The following MCTP1 variants were observed in gnomAD, a reference collection of about 807,000 sequenced individuals.
The protein encoded by MCTP1 is multiple C2 and transmembrane domain containing 1.
Under a neutral mutation model 120.6 loss-of-function variants are expected in MCTP1, and 69 were observed. The ratio of observed to expected loss-of-function variants is 0.57; its 90% CI spans 0.47 to 0.70. MCTP1 has a LOEUF of 0.70. Among genes scored for constraint, MCTP1 ranks in the 30% least tolerant of loss-of-function variants. The probability of loss-of-function intolerance (pLI) is 0.00; values close to 1 mark genes in which losing one functional copy is unlikely to be tolerated. For synonymous variants in MCTP1, 529 were observed against 493.1 expected, an observed-to-expected ratio of 1.07 and a Z score of -0.96; for missense variants, 1,203 against 1,248.8, an observed-to-expected ratio of 0.96 and a Z score of 0.55.
chr5:95,031,022 C>G (rs1840180893), intron 1 of MCTP1, among the ~76,000 whole-genome samples: 1 of 150,730 alleles, frequency 6.6e-6, no homozygotes, highest in Non-Finnish European at 1.5e-5. Flanking sequence ...AATAGACTAA[C>G]CAAGCAAAAG....
At chr5:95,233,403 A>G (rs1299488507) in intron 1 of MCTP1, among the ~76,000 whole-genome samples, 1 of 150,370 alleles carries the variant, frequency 6.7e-6, no homozygotes, top group Non-Finnish European at 1.5e-5. Context: ...ATCTCAGCTC[A>G]CTGCAAACTC....
rs1359486872 is a variant in MCTP1 at position 95,161,602 on chromosome 5, C to T, written c.720+122254G>A. 4.6e-5 allele frequency among the ~76,000 whole-genome samples: 7 copies of T among 151,956 alleles called. No individual in the cohort carries two copies. The East Asian group carries it at 1.3e-3, about 29-fold the overall frequency. The stretch of plus-strand genomic sequence containing the variant: ...AAAGAGATTTTAAATGTTTTCACCA[C>T]AAAAAATATGTAATAAATTTGTTAA... On this transcript the variant is annotated intron_variant, in intron 1 of 22. Coordinates refer to ENST00000515393, the MANE Select transcript of MCTP1 (RefSeq NM_024717.7).
At chr5:94,813,211 G>A (rs1336025915) in intron 17 of MCTP1, among the ~76,000 whole-genome samples, 1 of 152,140 alleles carries the variant, frequency 6.6e-6, no homozygotes, top group Non-Finnish European at 1.5e-5. Flanking sequence ...ATAAGCACAT[G>A]AAAAGATGTT....
chr5:95,271,044 A>G (rs932631625), intron 1 of MCTP1, among the ~76,000 whole-genome samples: 17 of 152,136 alleles, frequency 1.1e-4, no homozygotes, highest in African/African-American at 4.1e-4. Context: ...ACACGTATGC[A>G]AAACCAGCTC....
chr5:95,169,042 A>G (rs1362104698), intron 1 of MCTP1, among the ~76,000 whole-genome samples: 86 of 152,090 alleles, frequency 5.7e-4, no homozygotes, highest in African/African-American at 1.9e-3. Context: ...GTTTGTCATA[A>G]ATAGCTCTTA....
At chr5:95,224,590 C>G (rs1651856499) in intron 1 of MCTP1, among the ~76,000 whole-genome samples, 1 of 150,876 alleles carries the variant, frequency 6.6e-6, no homozygotes, top group Non-Finnish European at 1.5e-5. Context: ...TCACTGCAGC[C>G]TTGACCTGCA....
Position 95,284,474 on chromosome 5 carries a change from C to T in MCTP1, c.102G>A (p.Arg34=). ...CGCGCCCGCCCCCGCCGCCCTTGCT[C>T]CTGCCCACCCCCAGCTGCAGGTTCT... ...LWKNLQLGVG[R]SKGGGGGRAG... The change falls in exon 1 of 23, where the codon AGG becomes AGA. Residue 34 remains arginine (R), a synonymous_variant. Transcript: ENST00000515393. This position sits in a 1 kb window ranked among gnomAD's most constrained non-coding sequence, Gnocchi z 5.2. 6.6e-7 allele frequency: 1 copy of T among 1,505,872 alleles called. No individual in the cohort carries two copies. The highest frequency in any genetic ancestry group is 8.8e-7 in the Non-Finnish European group (1 of 1,130,918). The allele number at this position is 1,505,872 out of a possible 1,614,324, so 93.3% of individuals were successfully genotyped here.
intron 1 of MCTP1, among the ~76,000 whole-genome samples, chr5:95,220,665 G>A (rs1041448924): frequency 2.6e-5 from 4 of 152,098 alleles, no homozygotes; most frequent in African/African-American, 9.7e-5. Flanking sequence ...TAATAGCTCA[G>A]AACAACAAGA....
At chr5:95,131,843 T>C (rs181430494) in intron 1 of MCTP1, among the ~76,000 whole-genome samples, 1 of 152,312 alleles carries the variant, frequency 6.6e-6, no homozygotes, top group East Asian at 1.9e-4. Flanking sequence ...AACTGATTTT[T>C]TAAAACATGC....
chr5:94,962,291 G>A (rs910449779), intron 2 of MCTP1, among the ~76,000 whole-genome samples: 4 of 151,928 alleles, frequency 2.6e-5, no homozygotes, highest in South Asian at 2.1e-4. Context: ...ATCCCACTAC[G>A]GGGTATCTGC....
chr5:94,953,382 TC>T, intron 2 of MCTP1, 21 bp from the exon 3 acceptor site: 1 of 1,550,310 alleles, frequency 6.5e-7, no homozygotes. Context: ...GATAGATTGA[TC>T]CATGTTAATC....
At chr5:95,179,928 C>A (rs1405003306) in intron 1 of MCTP1, among the ~76,000 whole-genome samples, 1 of 152,184 alleles carries the variant, frequency 6.6e-6, no homozygotes, top group South Asian at 2.1e-4. Context: ...CTCACATAAA[C>A]TTAAGGTAAA....
intron 1 of MCTP1, among the ~76,000 whole-genome samples, chr5:95,108,052 C>T (rs938127591): frequency 2.6e-5 from 4 of 152,106 alleles, no homozygotes; most frequent in African/African-American, 9.7e-5. Context: ...GTGGTTACAT[C>T]AAGGTGCAGG....
intron 1 of MCTP1, among the ~76,000 whole-genome samples, chr5:95,263,805 T>TGTGAG (rs1465804832): frequency 6.6e-6 from 1 of 152,058 alleles, no homozygotes; most frequent in African/African-American, 2.4e-5. Flanking sequence ...AGAAAAGAAA[T>TGTGAG]GTGAGGTTTA....
chr5:95,167,694 A>G (rs796287098), intron 1 of MCTP1, among the ~76,000 whole-genome samples: 26 of 152,340 alleles, frequency 1.7e-4, no homozygotes, highest in Non-Finnish European at 2.9e-4. Flanking sequence ...TCTTTTGGCT[A>G]CATAAATGTC....
chr5:94,753,546 T>C (rs1769006741), intron 19 of MCTP1, among the ~76,000 whole-genome samples: 2 of 152,242 alleles, frequency 1.3e-5, no homozygotes. Flanking sequence ...TTATTTCCTT[T>C]GTTGTAATAA....
intron 1 of MCTP1, among the ~76,000 whole-genome samples, chr5:95,044,808 C>T (rs1038042834): frequency 3.3e-5 from 5 of 151,868 alleles, no homozygotes; most frequent in Admixed American, 6.6e-5. Flanking sequence ...TTTCCCATAC[C>T]CATCCCCAGA....
intron 1 of MCTP1, among the ~76,000 whole-genome samples, chr5:95,048,661 A>C (rs1218699283): frequency 1.3e-5 from 2 of 152,214 alleles, no homozygotes; most frequent in Admixed American, 1.3e-4. Flanking sequence ...GACTTGAAGC[A>C]CATGGGTGTT....
chr5:95,053,218 C>A (rs1043953645), intron 1 of MCTP1, among the ~76,000 whole-genome samples: 3 of 152,072 alleles, frequency 2.0e-5, no homozygotes, highest in Non-Finnish European at 2.9e-5. Context: ...GAAGCATGAG[C>A]TCTTTTCATG....
Sources: allele counts gnomAD v4.1 joint callset (sites outside exome capture counted in the v4.1 genomes callset), GRCh38; gene constraint gnomAD v4.1.1; non-coding constraint Gnocchi (gnomAD v3.1); transcripts MANE v1.5; gene names NCBI Gene and HGNC (gene_info 2026-07-23, HGNC 2026-07-21).